Variants in MLXIP observed in about 807,000 individuals in gnomAD.
MLXIP encodes MLX interacting protein.
A neutral mutation model predicts 87.2 loss-of-function variants in MLXIP; 30 were observed. That is an observed-to-expected ratio of 0.34 (90% CI 0.26 to 0.47). The LOEUF is 0.47. Ranked by LOEUF, MLXIP falls within the 20% of genes least tolerant of loss-of-function variation. The pLI, the probability that MLXIP is intolerant of heterozygous loss-of-function variation, is 1.00. For missense variants in MLXIP, 1,002 were observed against 1,240.1 expected (o/e 0.81, Z 2.88); for synonymous variants, 530 against 514.0 (o/e 1.03, Z -0.42).
At chr12:122,099,867 A>T (rs980759607) in intron 1 of MLXIP, among the ~76,000 whole-genome samples, 1 of 152,184 alleles carries the variant, frequency 6.6e-6, no homozygotes, top group Non-Finnish European at 1.5e-5. Context: ...GGCGGCTCAC[A>T]TGGAAAGGTG....
chr12:122,097,296 G>C (rs779808136), intron 1 of MLXIP, among the ~76,000 whole-genome samples: 1 of 152,076 alleles, frequency 6.6e-6, no homozygotes, highest in Non-Finnish European at 1.5e-5. Flanking sequence ...CTCACTACAG[G>C]TGTGAGCCAC....
rs1352611342 is a variant in MLXIP at position 122,145,635 on chromosome 12, C to A, written c.*3823C>A. ...CTTCCTCCAAGGCCCTAGCTGGCCC[C>A]CGGGTGAACCTGAGGTGGCAGGTTC... On this transcript the variant is annotated 3_prime_UTR_variant, in exon 17 of 17. Coordinates refer to ENST00000319080, the MANE Select transcript of MLXIP (RefSeq NM_014938.6). 1 of 152,494 alleles carries A rather than the reference C, an allele frequency of 6.6e-6. No homozygotes were observed. The highest frequency in any genetic ancestry group is 2.4e-5 in the African/African-American group (1 of 41,450). 9.4% of individuals were successfully genotyped at this position (152,494 alleles called of 1,614,324 possible).
intron 1 of MLXIP, among the ~76,000 whole-genome samples, chr12:122,081,924 C>T (rs1357285110): frequency 6.6e-6 from 1 of 152,206 alleles, no homozygotes; most frequent in Non-Finnish European, 1.5e-5. Flanking sequence ...GTGGTACACT[C>T]TGCTTTTTGT....
chr12:122,137,268 GTTTTT>G lies in MLXIP; in HGVS notation c.2033-200_2033-196del. 1 of 521,316 alleles carries G rather than the reference GTTTTT, an allele frequency of 1.9e-6. No homozygotes were observed. The highest frequency in any genetic ancestry group is 3.2e-6 in the Non-Finnish European group (1 of 308,068). 32.3% of individuals were successfully genotyped at this position (521,316 alleles called of 1,614,324 possible). ...ATCGTGTTCTGTGTGGATTAAGGGT[GTTTTT>G]GTTGTTGTTATTAATTTAAGATTTT... On this transcript the variant is annotated intron_variant, in intron 11 of 16. Coordinates refer to ENST00000319080, the MANE Select transcript of MLXIP (RefSeq NM_014938.6). The surrounding 1 kb of genome is among the most constrained non-coding windows in gnomAD (Gnocchi z 4.1).
chr12:122,135,626 G>A lies in MLXIP; in HGVS notation c.1992G>A (p.Pro664=), dbSNP rs772038442. ...CCCTGGGGAAGGGCGAGCAGGTCCC[G>A]CTGCATGGGGGCAGCCCCCAGGTCA... The part of the protein sequence containing the change: ...QDPLGKGEQV[P]LHGGSPQVTV... The change falls in exon 11 of 17, where the codon CCG becomes CCA. Residue 664 remains proline, a synonymous_variant. Coordinates refer to ENST00000319080, the MANE Select transcript of MLXIP (RefSeq NM_014938.6). The surrounding 1 kb of genome is among the most constrained non-coding windows in gnomAD (Gnocchi z 5.3). 1.1e-4 allele frequency: 175 copies of A among 1,554,042 alleles called. No homozygotes were observed. Among genetic ancestry groups the A allele is most frequent in the Non-Finnish European group, 1.3e-4 (154 of 1,151,322 alleles).
rs1440718829 is a variant in MLXIP at position 122,133,166 on chromosome 12, C to T, written c.1093-182C>T. 3.3e-6 allele frequency: 2 copies of T among 604,550 alleles called. No homozygotes were observed. Among genetic ancestry groups the T allele is most frequent in the Admixed American group, 3.6e-5 (1 of 28,080 alleles). 37.4% of individuals were successfully genotyped at this position (604,550 alleles called of 1,614,324 possible). On this transcript the variant is annotated intron_variant, in intron 8 of 16. Coordinates refer to ENST00000319080, the MANE Select transcript of MLXIP (RefSeq NM_014938.6). This position sits in a 1 kb window ranked among gnomAD's most constrained non-coding sequence, Gnocchi z 4.9. ...TATTTAGTTTTTAATGGAAACAAGA[C>T]CCCCGCAGACACGCAGGGAAACACA...
intron 1 of MLXIP, among the ~76,000 whole-genome samples, chr12:122,122,112 C>T (rs1004364784): frequency 2.0e-5 from 3 of 152,062 alleles, no homozygotes; most frequent in East Asian, 1.9e-4. Flanking sequence ...AGGAGGATTG[C>T]GTGTCTTGGG....
At chr12:122,118,932 C>T (rs28453771) in intron 1 of MLXIP, among the ~76,000 whole-genome samples, 76,398 of 150,798 alleles carry the variant, frequency 0.51, 19,791 homozygotes, top group Middle Eastern at 0.64. Flanking sequence ...TTTGGGAGGT[C>T]GAAGCGGGCA....
intron 1 of MLXIP, among the ~76,000 whole-genome samples, chr12:122,117,056 T>C (rs1468569746): frequency 2.0e-5 from 3 of 152,158 alleles, no homozygotes; most frequent in African/African-American, 7.2e-5. Flanking sequence ...TACTCCCTGC[T>C]TTTCACACAG....
chr12:122,097,039 G>T (rs934087110), intron 1 of MLXIP, among the ~76,000 whole-genome samples: 13 of 152,228 alleles, frequency 8.5e-5, no homozygotes, highest in Non-Finnish European at 1.3e-4. Context: ...CCGCTGTCTG[G>T]CTTGGCAGCC....
intron 1 of MLXIP, among the ~76,000 whole-genome samples, chr12:122,099,565 C>T (rs1433382164): frequency 1.3e-5 from 2 of 152,256 alleles, no homozygotes; most frequent in Non-Finnish European, 2.9e-5. Context: ...CCCCAATGAC[C>T]TTTTTGGTCT....
At chr12:122,110,846 G>A (rs1336369773) in intron 1 of MLXIP, among the ~76,000 whole-genome samples, 1 of 152,024 alleles carries the variant, frequency 6.6e-6, no homozygotes, top group Non-Finnish European at 1.5e-5. Context: ...GGGAGGCCAA[G>A]GTGGGCGGAT....
At chr12:122,096,039 TAG>T (rs1264177747) in intron 1 of MLXIP, among the ~76,000 whole-genome samples, 2 of 151,932 alleles carry the variant, frequency 1.3e-5, no homozygotes, top group Non-Finnish European at 2.9e-5. Flanking sequence ...TTCCATTTAA[TAG>T]AGTGTGAACA....
At position 122,111,076 on chromosome 12, in the gene MLXIP, C is replaced by CAA. The variant is rs56017387; in HGVS notation, c.414-16163_414-16162dup. Among the ~76,000 whole-genome samples the CAA allele has an allele frequency of 2.8e-3, 368 of 129,636 alleles. 13 individuals are homozygous for CAA. The highest frequency in any genetic ancestry group is 6.4e-3 in the African/African-American group (224 of 35,154). 85.0% of individuals were successfully genotyped at this position (129,636 alleles called of 152,430 possible). A position where few individuals can be genotyped will look rare whatever the true frequency, so the allele number is the denominator to read the frequency against. ...TGGGTGACAGAGCAAGACTCTGTCTCAAAAAAAAAAAAAAAAAAGTCTATT... is the reference window on the plus strand; with the variant it reads ...TGGGTGACAGAGCAAGACTCTGTCTCAAAAAAAAAAAAAAAAAAAAGTCTATT... On this transcript the variant is annotated intron_variant, in intron 1 of 16. Transcript: ENST00000319080.
intron 1 of MLXIP, among the ~76,000 whole-genome samples, chr12:122,120,996 C>T (rs1194934010): frequency 8.2e-6 from 1 of 122,372 alleles, no homozygotes; most frequent in East Asian, 2.9e-4. Context: ...GCCCCAGAGC[C>T]CTCTGCATGC....
chr12:122,094,541 TGGTGTGTG>T (rs1952316474), intron 1 of MLXIP, among the ~76,000 whole-genome samples: 5 of 133,224 alleles, frequency 3.8e-5, no homozygotes, highest in Non-Finnish European at 8.0e-5. Flanking sequence ...TGTGGTGTGT[TGGTGTGTG>T]GGTGTGTTTG....
rs576596216 is a variant in MLXIP at position 122,139,008 on chromosome 12, T to G, written c.2508+70T>G. 1.1e-4 allele frequency: 172 copies of G among 1,586,086 alleles called. No homozygotes were observed. In the East Asian group the frequency reaches 3.8e-3, roughly 35 times the overall value. ...GCACTGAAGCCACAGACCGTGGCAC[T>G]GTAGTTACTTTAGAAAGACTCTTTA... On this transcript the variant is annotated intron_variant, in intron 15 of 16. Transcript: ENST00000319080.
rs563965197 is a variant in MLXIP at position 122,127,244 on chromosome 12, C to T, written c.414-12C>T. 1.2e-6 allele frequency: 2 copies of T among 1,606,224 alleles called. No individual in the cohort carries two copies. Among genetic ancestry groups the T allele is most frequent in the South Asian group, 2.2e-5 (2 of 90,730 alleles). On this transcript the variant is annotated splice_polypyrimidine_tract_variant and intron_variant, in intron 1 of 16. Transcript: ENST00000319080. ...TAACCACTGAGTCTCCCCGCTTTGC[C>T]TTGCCTTTCAGTGGGAAGTTGGTGT...
intron 1 of MLXIP, among the ~76,000 whole-genome samples, chr12:122,092,764 C>T (rs1413589423): frequency 2.6e-5 from 4 of 152,160 alleles, no homozygotes; most frequent in Admixed American, 6.5e-5. Context: ...ACTCTATAAA[C>T]GGTTGATTTG....
Sources: gnomAD v4.1 joint callset for allele counts (sites outside exome capture counted in the v4.1 genomes callset) on GRCh38, gnomAD v4.1.1 for gene constraint, Gnocchi (gnomAD v3.1) non-coding constraint, MANE v1.5 for transcripts, NCBI Gene and HGNC (gene_info 2026-07-23, HGNC 2026-07-21) for gene names.